Variants in OPCML observed in about 807,000 individuals in gnomAD.
OPCML encodes opioid-binding protein/cell adhesion molecule.
In OPCML, 13 loss-of-function variants were observed where a neutral mutation model predicts 37.8. The observed-to-expected ratio is 0.34, with a 90% CI of 0.22 to 0.55. The LOEUF (loss-of-function observed/expected upper bound fraction) is 0.55. OPCML is among the 20% of genes least tolerant of loss of function. The pLI, the probability that OPCML is intolerant of heterozygous loss-of-function variation, is 0.91. For missense variants in OPCML, 341 were observed against 435.6 expected (o/e 0.78, Z 1.93); for synonymous variants, 176 against 168.8 (o/e 1.04, Z -0.33).
intron 2 of OPCML, among the ~76,000 whole-genome samples, chr11:132,678,446 A>T (rs1389813685): frequency 2.0e-5 from 3 of 152,206 alleles, no homozygotes; most frequent in African/African-American, 7.2e-5. Context: ...CTGCACACAG[A>T]TGTTTACCGC....
intron 1 of OPCML, among the ~76,000 whole-genome samples, chr11:133,359,243 T>C (rs1303898378): frequency 2.0e-5 from 3 of 152,228 alleles, no homozygotes; most frequent in Non-Finnish European, 4.4e-5. Context: ...CACTTCCTCA[T>C]CTTCGTTTAT....
At chr11:132,611,117 T>G (rs1239691210) in intron 3 of OPCML, among the ~76,000 whole-genome samples, 2 of 152,200 alleles carry the variant, frequency 1.3e-5, no homozygotes, top group African/African-American at 4.8e-5. Flanking sequence ...CCTAGCTCAT[T>G]TGGTTTTCAC....
At chr11:132,575,596 ATATT>A (rs2096448594) in intron 3 of OPCML, among the ~76,000 whole-genome samples, 1 of 151,940 alleles carries the variant, frequency 6.6e-6, no homozygotes, top group Non-Finnish European at 1.5e-5. Flanking sequence ...TTTTAAACAT[ATATT>A]TACTTATATT....
intron 1 of OPCML, among the ~76,000 whole-genome samples, chr11:133,314,191 C>A (rs1202632890): frequency 8.9e-5 from 12 of 134,438 alleles, no homozygotes; most frequent in Admixed American, 2.5e-4. Context: ...GCCGAGATCG[C>A]GCCACTGCAC....
chr11:132,833,476 T>C (rs1196875170), intron 2 of OPCML, among the ~76,000 whole-genome samples: 1 of 152,240 alleles, frequency 6.6e-6, no homozygotes, highest in African/African-American at 2.4e-5. Flanking sequence ...AGGCCCTGCC[T>C]GAGGCTGTTT....
At chr11:132,502,507 T>A (rs945341466) in intron 4 of OPCML, among the ~76,000 whole-genome samples, 1 of 152,130 alleles carries the variant, frequency 6.6e-6, no homozygotes, top group Non-Finnish European at 1.5e-5. Flanking sequence ...CCTTGCACCC[T>A]TCCTGGTTGC....
At position 132,688,779 on chromosome 11, in the gene OPCML, T is replaced by TA. The variant is rs531036340; in HGVS notation, c.147-31461dup. 8.5e-3 allele frequency among the ~76,000 whole-genome samples: 298 copies of TA among 35,244 alleles called. 82 individuals carry two copies. The highest frequency in any genetic ancestry group is 0.014 in the East Asian group (20 of 1,440). The allele number at this position is 35,244 out of a possible 152,430, so 23.1% of individuals were successfully genotyped here. ...TAACAAGGTGAAACCCCGTCTCTAC[T>TA]AAAAAAAAAAAATACAAAAAATTAG... is the stretch of plus-strand genomic sequence containing the variant. On this transcript the variant is annotated intron_variant, in intron 2 of 7. Transcript: ENST00000524381.
At chr11:133,029,320 A>G (rs1322221406) in intron 1 of OPCML, among the ~76,000 whole-genome samples, 1 of 152,226 alleles carries the variant, frequency 6.6e-6, no homozygotes, top group African/African-American at 2.4e-5. Context: ...GAGATTTCTC[A>G]CGGAACTAAA....
chr11:132,921,946 C>G (rs1944819969), intron 2 of OPCML, among the ~76,000 whole-genome samples: 1 of 151,978 alleles, frequency 6.6e-6, no homozygotes, highest in Non-Finnish European at 1.5e-5. Context: ...GTGGCATGAT[C>G]TCGGCTCACT....
chr11:133,006,687 C>T (rs946065649), intron 1 of OPCML: 11 of 985,438 alleles, frequency 1.1e-5, no homozygotes, highest in Non-Finnish European at 1.3e-5. Context: ...ATGTCTGCCA[C>T]TTCCACTTTT....
intron 1 of OPCML, among the ~76,000 whole-genome samples, chr11:133,014,839 C>T (rs113902659): frequency 2.6e-5 from 4 of 152,360 alleles, no homozygotes; most frequent in South Asian, 2.1e-4. Context: ...TCTCTCTCTT[C>T]TCCAACCCAC....
chr11:133,348,538 ATGC>A (rs1490820190), intron 1 of OPCML, among the ~76,000 whole-genome samples: 1 of 152,142 alleles, frequency 6.6e-6, no homozygotes, highest in Admixed American at 6.5e-5. Context: ...TCCCTCACTG[ATGC>A]TGCTGAGAGA....
At chr11:132,833,671 G>C (rs1333486442) in intron 2 of OPCML, among the ~76,000 whole-genome samples, 1 of 152,232 alleles carries the variant, frequency 6.6e-6, no homozygotes, top group Non-Finnish European at 1.5e-5. Context: ...GTTTACACCA[G>C]CATCACTACA....
chr11:133,261,085 C>T (rs755133981), intron 1 of OPCML, among the ~76,000 whole-genome samples: 13 of 152,204 alleles, frequency 8.5e-5, no homozygotes, highest in Non-Finnish European at 1.0e-4. Flanking sequence ...TGCTCAGAAA[C>T]TATCTTCTTA....
chr11:132,558,457 G>C (rs1257496551), intron 3 of OPCML, among the ~76,000 whole-genome samples: 2 of 32,492 alleles, frequency 6.2e-5, no homozygotes, highest in Non-Finnish European at 1.0e-4. Flanking sequence ...TCCCCTACTC[G>C]TCCTCCCCAT....
intron 1 of OPCML, among the ~76,000 whole-genome samples, chr11:133,256,692 T>C (rs1038175013): frequency 1.3e-5 from 2 of 152,236 alleles, no homozygotes; most frequent in African/African-American, 4.8e-5. Flanking sequence ...TCAAAAAAGT[T>C]CCTTTAAAAA....
chr11:133,148,859 G>A (rs550590432), intron 1 of OPCML, among the ~76,000 whole-genome samples: 2 of 152,242 alleles, frequency 1.3e-5, no homozygotes, highest in African/African-American at 2.4e-5. Context: ...AGCTGAAAAA[G>A]GGAAGGAAGG....
chr11:132,922,890 G>C (rs929365748), intron 2 of OPCML, among the ~76,000 whole-genome samples: 1 of 151,834 alleles, frequency 6.6e-6, no homozygotes, highest in African/African-American at 2.4e-5. Context: ...GCAACGCAGG[G>C]AGACCACATC....
chr11:133,188,532 T>TA (rs371028958), intron 1 of OPCML, among the ~76,000 whole-genome samples: 11 of 152,014 alleles, frequency 7.2e-5, no homozygotes, highest in East Asian at 3.9e-4. Context: ...AAGATTGAAT[T>TA]AAAAAAAAGT....
Sources: allele counts gnomAD v4.1 joint callset (sites outside exome capture counted in the v4.1 genomes callset), GRCh38; gene constraint gnomAD v4.1.1; transcripts MANE v1.5; gene names NCBI Gene and HGNC (gene_info 2026-07-23, HGNC 2026-07-21).